The following GXYLT1 variants were observed in gnomAD, a reference collection of about 807,000 sequenced individuals.
GXYLT1 encodes glucoside xylosyltransferase 1, also known as glycosyltransferase 8 domain containing 3.
GXYLT1 carries 29 observed loss-of-function variants against 54.0 expected under a neutral mutation model. That is an observed-to-expected ratio of 0.54 (90% CI 0.40 to 0.73). The LOEUF is 0.73. GXYLT1 is among the 30% of genes least tolerant of loss of function. The pLI is 0.00. For missense variants in GXYLT1, 490 were observed against 553.4 expected (o/e 0.89, Z 1.15); for synonymous variants, 176 against 204.1 (o/e 0.86, Z 1.17).
At chr12:42,127,556 G>C (rs1196262135) in intron 2 of GXYLT1, among the ~76,000 whole-genome samples, 1 of 152,158 alleles carries the variant, frequency 6.6e-6, no homozygotes, top group Non-Finnish European at 1.5e-5. Flanking sequence ...AAAACAAAAG[G>C]AATGGTAAGC....
rs201258077 is a variant in GXYLT1 at position 42,087,805 on chromosome 12, C to T, written c.1304G>A (p.Arg435Lys). The part of the protein sequence containing the change: ...LAKSVRDRYA[R>K]SPKEK The stretch of plus-strand genomic sequence containing the variant: ...CAAGAATCACTTTTCCTTTGGTGAT[C>T]TGGCATAACGATCTCTTACACTTTT... Residue 435 changes from arginine to lysine, a missense_variant, in exon 8 of 8, where the codon AGA becomes AAA. This residue lies in a region of GXYLT1 where 342 missense variants were observed against 342.6 expected (regional missense o/e 1.00). Transcript: ENST00000398675. 1 of 1,602,728 alleles carries T rather than the reference C, an allele frequency of 6.2e-7. No homozygotes were observed. Among genetic ancestry groups the T allele is most frequent in the African/African-American group, 1.3e-5 (1 of 74,470 alleles).
rs775524566 is a variant in GXYLT1, at chr12:42,109,612, C to T, written c.566G>A (p.Trp189Ter). Residue 189 changes from tryptophan to a stop codon, truncating the protein, a stop_gained, in exon 4 of 8, where the codon TGG becomes TAG. Coordinates refer to ENST00000398675, the MANE Select transcript of GXYLT1 (RefSeq NM_173601.2). LOFTEE classifies it high-confidence loss of function. ...AGCACATGGTTTAAAGAGTTTTTTC[C>T]ACTCTGCTGCATTCTCACTTGGAAA... ...ITFPSENAAE[W>*]KKLFKPCASQ... The T allele has an allele frequency of 5.0e-6, 8 of 1,593,998 alleles. No individual in the cohort carries two copies. Among genetic ancestry groups the T allele is most frequent in the Non-Finnish European group, 6.8e-6 (8 of 1,171,842 alleles).
In GXYLT1 at chr12:42,085,301, G is replaced by A. The variant is rs2065283185; in HGVS notation, c.*2485C>T. 6.6e-6 allele frequency: 1 copy of A among 152,276 alleles called. No individual in the cohort carries two copies. Among genetic ancestry groups the A allele is most frequent in the African/African-American group, 2.4e-5 (1 of 41,478 alleles). The allele number at this position is 152,276 out of a possible 1,614,324, so 9.4% of individuals were successfully genotyped here. ...CCTTCCAACTGATCCACAATGTAGT[G>A]TGTGTGACAGTGTAAATAAGCCACA... On this transcript the variant is annotated 3_prime_UTR_variant, in exon 8 of 8. Transcript: ENST00000398675.
chr12:42,119,999 G>A (rs1404690371), intron 2 of GXYLT1, among the ~76,000 whole-genome samples: 1 of 152,020 alleles, frequency 6.6e-6, no homozygotes, highest in Non-Finnish European at 1.5e-5. Flanking sequence ...TAGCACCACT[G>A]TGGCTGCCAG....
chr12:42,116,114 T>C (rs2065493025), intron 3 of GXYLT1, among the ~76,000 whole-genome samples: 1 of 152,108 alleles, frequency 6.6e-6, no homozygotes, highest in East Asian at 1.9e-4. Flanking sequence ...CCTTACACCT[T>C]ACACAAAAAT....
rs1417939822 is a variant in GXYLT1 at position 42,112,044 on chromosome 12, T to C, written c.487-2353A>G. 3.9e-5 allele frequency among the ~76,000 whole-genome samples: 6 copies of C among 152,272 alleles called. No individual in the cohort carries two copies. The South Asian group carries it at 1.0e-3, about 26-fold the overall frequency. On this transcript the variant is annotated intron_variant, in intron 3 of 7. Transcript: ENST00000398675. ...GCAAACAGGGTCTGGAGTGGACCTC[T>C]AGCAAACTCCAAACTCCAACAGACC...
At chr12:42,130,859 A>G (rs2065590119) in intron 1 of GXYLT1, among the ~76,000 whole-genome samples, 1 of 152,142 alleles carries the variant, frequency 6.6e-6, no homozygotes, top group Non-Finnish European at 1.5e-5. Flanking sequence ...TGGTGGGAGG[A>G]TGGCATGAGC....
intron 7 of GXYLT1, among the ~76,000 whole-genome samples, chr12:42,088,826 ACCAGAAATCTCCCAGGTTAT>A (rs2065312191): frequency 6.9e-6 from 1 of 144,408 alleles, no homozygotes; most frequent in Non-Finnish European, 1.5e-5. Context: ...GAAATTCAGA[ACCAGAAATCTCCCAGGTTAT>A]CCCTGAGGTT....
intron 3 of GXYLT1, among the ~76,000 whole-genome samples, chr12:42,112,768 T>C (rs1474369615): frequency 2.0e-5 from 3 of 146,732 alleles, no homozygotes; most frequent in African/African-American, 8.2e-5. Flanking sequence ...AGGCCAACAT[T>C]CAGATTCAGG....
chr12:42,119,048 T>C lies in GXYLT1; in HGVS notation c.438A>G (p.Gln146=). The C allele has an allele frequency of 6.2e-7, 1 of 1,614,166 alleles. No homozygotes were observed. The highest frequency in any genetic ancestry group is 1.1e-5 in the South Asian group (1 of 91,080). Residue 146 remains glutamine (Q), a synonymous_variant, in exon 3 of 8, where the codon CAA becomes CAG. Coordinates refer to ENST00000398675, the MANE Select transcript of GXYLT1 (RefSeq NM_173601.2). ...GCTGATCTTCAGCAAAAATATGGAA[T>C]TGAAGAGGTTTGATGCTGAAAATGA... ...SAIIFSIKPL[Q]FHIFAEDQLH... is the part of the protein sequence containing the mutation.
At chr12:42,103,445 G>A (rs2065401837) in intron 5 of GXYLT1, among the ~76,000 whole-genome samples, 1 of 152,070 alleles carries the variant, frequency 6.6e-6, no homozygotes, top group Non-Finnish European at 1.5e-5. Flanking sequence ...AAAACAGTTT[G>A]GAAAGTGATT....
intron 3 of GXYLT1, among the ~76,000 whole-genome samples, chr12:42,118,238 C>T (rs77021728): frequency 0.016 from 2,375 of 152,238 alleles, 58 homozygotes; most frequent in African/African-American, 0.053. Context: ...AGCCACTTCC[C>T]GCCATATTAT....
At chr12:42,121,482 CTAGCTG>C (rs1429632709) in intron 2 of GXYLT1, among the ~76,000 whole-genome samples, 3 of 151,968 alleles carry the variant, frequency 2.0e-5, no homozygotes, top group African/African-American at 7.3e-5. Flanking sequence ...CACAAAAAAA[CTAGCTG>C]GGTGTGGTGA....
At chr12:42,110,311 T>G (rs2136894705) in intron 3 of GXYLT1, among the ~76,000 whole-genome samples, 1 of 152,346 alleles carries the variant, frequency 6.6e-6, no homozygotes, top group East Asian at 1.9e-4. Context: ...TCTAATTCAG[T>G]TTAAGTATTA....
chr12:42,099,940 C>T (rs536950152), intron 5 of GXYLT1, among the ~76,000 whole-genome samples: 108 of 152,086 alleles, frequency 7.1e-4, no homozygotes, highest in Middle Eastern at 3.2e-3. Flanking sequence ...AAGCACAATG[C>T]TGCCTTTTGA....
intron 2 of GXYLT1, among the ~76,000 whole-genome samples, chr12:42,129,367 C>G (rs2065581171): frequency 6.6e-6 from 1 of 152,132 alleles, no homozygotes; most frequent in Non-Finnish European, 1.5e-5. Flanking sequence ...CGAATATAAT[C>G]CTTCTCCAGT....
chr12:42,131,236 T>G (rs2065592421), intron 1 of GXYLT1, among the ~76,000 whole-genome samples: 1 of 152,188 alleles, frequency 6.6e-6, no homozygotes. Context: ...GAAGTCAGGG[T>G]GAGTCACTAA....
In GXYLT1 at chr12:42,084,261, C is replaced by T. The variant is rs75376711; in HGVS notation, c.*3525G>A. 2,094 of 32,978 alleles carry T rather than the reference C, an allele frequency of 0.063. 2 individuals carry two copies. Among genetic ancestry groups the T allele is most frequent in the African/African-American group, 0.12 (1,022 of 8,864 alleles). The allele number at this position is 32,978 out of a possible 1,614,324, so 2.0% of individuals were successfully genotyped here. A position where few individuals can be genotyped will look rare whatever the true frequency, so the allele number is the denominator to read the frequency against. The stretch of plus-strand genomic sequence containing the variant: ...TTTCTCTTACTCTGCCCTTTGCCAT[C>T]CCCATTCTTACTCCTTTCTCTTTCC... On this transcript the variant is annotated 3_prime_UTR_variant, in exon 8 of 8. Coordinates refer to ENST00000398675, the MANE Select transcript of GXYLT1 (RefSeq NM_173601.2).
intron 3 of GXYLT1, among the ~76,000 whole-genome samples, chr12:42,118,074 T>C (rs908285824): frequency 2.0e-5 from 3 of 152,152 alleles, no homozygotes; most frequent in East Asian, 1.9e-4. Context: ...AGATAAAGAA[T>C]TGCCATATAA....
Sources: gnomAD v4.1 joint callset for allele counts (sites outside exome capture counted in the v4.1 genomes callset) on GRCh38, gnomAD v4.1.1 for gene constraint, gnomAD v4.1.1 regional missense constraint, MANE v1.5 for transcripts, NCBI Gene and HGNC (gene_info 2026-07-23, HGNC 2026-07-21) for gene names.